HTR2A: variants seen among roughly 807,000 people sequenced by gnomAD.
HTR2A encodes 5-HT2 receptor.
In HTR2A, 14 loss-of-function variants were observed where a neutral mutation model predicts 31.0. That is an observed-to-expected ratio of 0.45 (90% CI 0.30 to 0.71). The LOEUF (loss-of-function observed/expected upper bound fraction) is 0.71. Ranked by LOEUF, HTR2A falls within the 30% of genes least tolerant of loss-of-function variation. The pLI, the probability that HTR2A is intolerant of heterozygous loss-of-function variation, is 0.09. For missense variants in HTR2A, 442 were observed against 573.3 expected, an observed-to-expected ratio of 0.77 and a Z score of 2.34; for synonymous variants, 209 against 225.2, an observed-to-expected ratio of 0.93 and a Z score of 0.64.
intron 3 of HTR2A, among the ~76,000 whole-genome samples, chr13:46,846,650 G>C (rs551354605): frequency 4.9e-4 from 75 of 152,264 alleles, no homozygotes; most frequent in African/African-American, 1.7e-3. Flanking sequence ...CAAGTGCCAA[G>C]GGTGCTGAGT....
At chr13:46,853,867 C>T (rs1455823290) in intron 3 of HTR2A, 3 of 152,238 alleles carry the variant, frequency 2.0e-5, no homozygotes, top group East Asian at 1.9e-4. Flanking sequence ...ACTTCATGAC[C>T]GTCTATTTTC....
chr13:46,882,592 TAAATG>T (rs1327963469), intron 3 of HTR2A, among the ~76,000 whole-genome samples: 2 of 152,160 alleles, frequency 1.3e-5, no homozygotes, highest in South Asian at 4.1e-4. Context: ...GGAACATTAA[TAAATG>T]AGACTCCATA....
chr13:46,870,570 T>A (rs994625445), intron 3 of HTR2A, among the ~76,000 whole-genome samples: 2 of 152,218 alleles, frequency 1.3e-5, no homozygotes, highest in African/African-American at 4.8e-5. Context: ...TGCTTTATTG[T>A]TAATTCAGGT....
chr13:46,834,722 T>G lies in HTR2A; in HGVS notation c.*115A>C. The G allele has an allele frequency of 1.4e-6, 1 of 740,540 alleles. No individual in the cohort carries two copies. The allele number at this position is 740,540 out of a possible 1,614,324, so 45.9% of individuals were successfully genotyped here. ...CAGAATAAAATGAGGCATACAGATA[T>G]GATCGTTGGTTCCACTAGACTTGTC... On this transcript the variant is annotated 3_prime_UTR_variant, in exon 4 of 4. Coordinates refer to ENST00000542664, the MANE Select transcript of HTR2A (RefSeq NM_000621.5).
chr13:46,867,419 T>G (rs558040679), intron 3 of HTR2A, among the ~76,000 whole-genome samples: 1 of 152,340 alleles, frequency 6.6e-6, no homozygotes, highest in South Asian at 2.1e-4. Flanking sequence ...CATTTTCAAT[T>G]TGAATCTGTC....
intron 3 of HTR2A, among the ~76,000 whole-genome samples, chr13:46,877,459 G>C (rs1221665111): frequency 2.0e-5 from 3 of 152,070 alleles, no homozygotes; most frequent in African/African-American, 7.2e-5. Context: ...TAAAGGTTAG[G>C]CTTTCATTTA....
chr13:46,883,251 G>A (rs569148362), intron 3 of HTR2A, among the ~76,000 whole-genome samples: 31 of 121,206 alleles, frequency 2.6e-4, no homozygotes, highest in African/African-American at 7.6e-4. Flanking sequence ...GAAGGCAAGA[G>A]GTTAGGTCCA....
intron 3 of HTR2A, among the ~76,000 whole-genome samples, chr13:46,859,996 C>T (rs564278968): frequency 3.9e-4 from 60 of 152,244 alleles, no homozygotes; most frequent in African/African-American, 1.2e-3. Flanking sequence ...ATGGCCATGT[C>T]GGTTGTTAAA....
At chr13:46,878,204 A>T (rs538653628) in intron 3 of HTR2A, among the ~76,000 whole-genome samples, 2 of 152,274 alleles carry the variant, frequency 1.3e-5, no homozygotes, top group South Asian at 2.1e-4. Flanking sequence ...CACCAGAGAG[A>T]GATGATGAGG....
At chr13:46,873,427 T>TTTATTATTATTA (rs56356002) in intron 3 of HTR2A, among the ~76,000 whole-genome samples, 1,795 of 144,786 alleles carry the variant, frequency 0.012, 18 homozygotes, top group African/African-American at 0.023. Flanking sequence ...TAATATAAAA[T>TTTATTATTATTA]TTATTATTAT....
At position 46,895,414 on chromosome 13, in the gene HTR2A, G is replaced by T; in HGVS notation, c.412+81C>A. On this transcript the variant is annotated intron_variant, in intron 2 of 3. Transcript: ENST00000542664. The surrounding 1 kb of genome is among the most constrained non-coding windows in gnomAD (Gnocchi z 4.4). ...TCTATTTATAGTTTGTTTGCCCCCT[G>T]AGCCCCATCTCATCTGCTGGTGGCA... 2 of 1,301,586 alleles carry T rather than the reference G, an allele frequency of 1.5e-6. No homozygotes were observed. Among genetic ancestry groups the T allele is most frequent in the Non-Finnish European group, 2.1e-6 (2 of 937,662 alleles). 80.6% of individuals were successfully genotyped at this position (1,301,586 alleles called of 1,614,324 possible). A position where few individuals can be genotyped will look rare whatever the true frequency, so the allele number is the denominator to read the frequency against.
At chr13:46,866,763 A>C (rs1168592336) in intron 3 of HTR2A, among the ~76,000 whole-genome samples, 1 of 152,242 alleles carries the variant, frequency 6.6e-6, no homozygotes, top group African/African-American at 2.4e-5. Context: ...ACGGTGGCTC[A>C]TGCCAGTAAT....
intron 3 of HTR2A, among the ~76,000 whole-genome samples, chr13:46,861,346 G>A (rs1359398676): frequency 6.6e-6 from 1 of 152,034 alleles, no homozygotes. Flanking sequence ...CATAATTTTA[G>A]ATTGTAAACA....
At chr13:46,835,794 ATG>A (rs1566298490) in intron 3 of HTR2A, among the ~76,000 whole-genome samples, 155 bp from the exon 4 acceptor site, 2 of 152,302 alleles carry the variant, frequency 1.3e-5, no homozygotes, top group East Asian at 3.9e-4. Flanking sequence ...GGACTTACAT[ATG>A]TGTTTTGTAA....
chr13:46,894,889 C>G (rs1266773281), intron 2 of HTR2A, among the ~76,000 whole-genome samples: 1 of 152,182 alleles, frequency 6.6e-6, no homozygotes, highest in African/African-American at 2.4e-5. Flanking sequence ...TTCAAAGGCA[C>G]ATTTCCAAAT....
chr13:46,893,766 A>G (rs1203789028), intron 2 of HTR2A, among the ~76,000 whole-genome samples: 3 of 152,192 alleles, frequency 2.0e-5, no homozygotes, highest in Admixed American at 1.3e-4. Flanking sequence ...TGATCACAGT[A>G]TAAGCAGCGG....
chr13:46,887,494 C>G (rs1455171200), intron 3 of HTR2A, among the ~76,000 whole-genome samples: 1 of 149,256 alleles, frequency 6.7e-6, no homozygotes, highest in East Asian at 2.0e-4. Context: ...TATCAACAGA[C>G]AGAATGAAGA....
At chr13:46,869,900 G>A (rs1193200892) in intron 3 of HTR2A, among the ~76,000 whole-genome samples, 1 of 152,084 alleles carries the variant, frequency 6.6e-6, no homozygotes, top group Admixed American at 6.6e-5. Context: ...GAGTTGGGTT[G>A]GAAGGAGTGG....
intron 3 of HTR2A, among the ~76,000 whole-genome samples, chr13:46,841,428 T>C (rs1483915572): frequency 6.6e-6 from 1 of 152,118 alleles, no homozygotes; most frequent in African/African-American, 2.4e-5. Context: ...AATCAACATT[T>C]AGTTTCTTTC....
Sources: allele counts gnomAD v4.1 joint callset (sites outside exome capture counted in the v4.1 genomes callset), GRCh38; gene constraint gnomAD v4.1.1; non-coding constraint Gnocchi (gnomAD v3.1); transcripts MANE v1.5; gene names NCBI Gene and HGNC (gene_info 2026-07-23, HGNC 2026-07-21).